Variants in ZNF354A observed in about 807,000 individuals in gnomAD.
The protein encoded by ZNF354A is epididymis luminal protein 104.
In ZNF354A, 25 loss-of-function variants were observed where a neutral mutation model predicts 53.3. That is an observed-to-expected ratio of 0.47 (90% CI 0.34 to 0.66). The LOEUF (loss-of-function observed/expected upper bound fraction) is 0.66. Ranked by LOEUF, ZNF354A falls within the 30% of genes least tolerant of loss-of-function variation. ZNF354A has a pLI of 0.01. For missense variants in ZNF354A, 586 were observed against 716.8 expected (o/e 0.82, Z 2.08); for synonymous variants, 228 against 249.0 (o/e 0.92, Z 0.79).
chr5:178,720,832 C>T (rs11742156), intron 4 of ZNF354A, among the ~76,000 whole-genome samples: 41,659 of 151,008 alleles, frequency 0.28, 5,838 homozygotes, highest in South Asian at 0.4. Flanking sequence ...AAATTAACAC[C>T]ACTGCTTGCA....
rs75617632 is a variant in ZNF354A at position 178,730,549 on chromosome 5, C to T, written c.-52+7G>A. ...TCCTACCGGCTTGGCCTGCCGCCGA[C>T]GCTCACCTCCCTAAGCTCGAGCGTC... On this transcript the variant is annotated splice_region_variant and intron_variant, in intron 1 of 4. Coordinates refer to ENST00000335815, the MANE Select transcript of ZNF354A (RefSeq NM_005649.3). The T allele has an allele frequency of 0.24, 36,677 of 151,758 alleles. 5,120 individuals carry two copies. Among genetic ancestry groups the T allele is most frequent in the South Asian group, 0.34 (1,661 of 4,818 alleles). The allele number at this position is 151,758 out of a possible 1,614,324, so 9.4% of individuals were successfully genotyped here. A position where few individuals can be genotyped will look rare whatever the true frequency, so the allele number is the denominator to read the frequency against.
intron 4 of ZNF354A, among the ~76,000 whole-genome samples, chr5:178,722,194 T>C (rs1023610213): frequency 6.6e-6 from 1 of 152,184 alleles, no homozygotes; most frequent in Non-Finnish European, 1.5e-5. Flanking sequence ...TTACTCTTAC[T>C]GTAATGTGAA....
intron 4 of ZNF354A, among the ~76,000 whole-genome samples, chr5:178,719,455 G>C (rs1317334712): frequency 6.6e-6 from 1 of 152,216 alleles, no homozygotes; most frequent in African/African-American, 2.4e-5. Context: ...GCAGCAGGAC[G>C]CTGCTGGAGT....
chr5:178,729,135 T>C, intron 1 of ZNF354A, 62 bp from the exon 2 acceptor site: 1 of 617,210 alleles, frequency 1.6e-6, no homozygotes, highest in East Asian at 2.9e-5. Flanking sequence ...AATCCGCAGC[T>C]CTAAAACCCC....
rs190278841 is a variant in ZNF354A, at chr5:178,728,832, G to A, written c.33+158C>T. On this transcript the variant is annotated intron_variant, in intron 2 of 4. Transcript: ENST00000335815. ...CACTAGACACGGGTGGGGAGGGTGG[G>A]TGGTCCTCCCTACAGAATCCACCAC... Among the ~76,000 whole-genome samples, 807 of 135,782 alleles carry A rather than the reference G, an allele frequency of 5.9e-3. 7 individuals carry two copies. The highest frequency in any genetic ancestry group is 0.021 in the African/African-American group (783 of 36,590). 89.1% of individuals were successfully genotyped at this position (135,782 alleles called of 152,430 possible). A position where few individuals can be genotyped will look rare whatever the true frequency, so the allele number is the denominator to read the frequency against.
At chr5:178,720,112 G>T (rs1233346608) in intron 4 of ZNF354A, among the ~76,000 whole-genome samples, 4 of 152,192 alleles carry the variant, frequency 2.6e-5, no homozygotes, top group Non-Finnish European at 5.9e-5. Flanking sequence ...AAAGAGAAAA[G>T]CTGTTTTAGA....
intron 4 of ZNF354A, among the ~76,000 whole-genome samples, chr5:178,719,670 G>A (rs993347913): frequency 2.0e-5 from 3 of 152,170 alleles, no homozygotes; most frequent in Non-Finnish European, 2.9e-5. Flanking sequence ...ACTTGCGGCC[G>A]GGCGCGGTGG....
chr5:178,713,474 T>G lies in ZNF354A; in HGVS notation c.404A>C (p.Lys135Thr). Residue 135 changes from lysine (K) to threonine (T), a missense_variant, in exon 5 of 5, where the codon AAG (lysine) becomes ACG (threonine). Lys to Thr is a moderately conservative substitution (Grantham distance 78). Around this residue, in one of 2 missense-constraint regions of ZNF354A, gnomAD observed 573 missense variants for 680.1 expected, o/e 0.84. Coordinates refer to ENST00000335815, the MANE Select transcript of ZNF354A (RefSeq NM_005649.3). ...PYIYEGRLEKKQDKKGSFQIV... is the reference protein window; with the variant it reads ...PYIYEGRLEKTQDKKGSFQIV... ...CTGAAAACTTCCCTTTTTATCCTGC[T>G]TTTTCTCTAATCTGCCTTCATATAT... The G allele has an allele frequency of 6.2e-7, 1 of 1,613,906 alleles. No individual in the cohort carries two copies. Among genetic ancestry groups the G allele is most frequent in the South Asian group, 1.1e-5 (1 of 91,028 alleles).
rs1554093726 is a variant in ZNF354A, at chr5:178,713,557, C to T, written c.321G>A (p.Leu107=). 1 of 1,607,950 alleles carries T rather than the reference C, an allele frequency of 6.2e-7. No homozygotes were observed. The highest frequency in any genetic ancestry group is 8.5e-7 in the Non-Finnish European group (1 of 1,178,948). ...CATTCCTGTTGGATCTTTTCAGTATCAGTCCCTGAAATGAAGAGTCTTGTG... is the reference window on the plus strand; with the variant it reads ...CATTCCTGTTGGATCTTTTCAGTATTAGTCCCTGAAATGAAGAGTCTTGTG... ...TQTQDSSFQG[L]ILKRSNRNVP... The change falls in exon 5 of 5, where the codon CTG becomes CTA. Residue 107 remains leucine, a synonymous_variant. Coordinates refer to ENST00000335815, the MANE Select transcript of ZNF354A (RefSeq NM_005649.3).
chr5:178,714,196 G>C (rs1327361580), intron 4 of ZNF354A, among the ~76,000 whole-genome samples: 2 of 152,120 alleles, frequency 1.3e-5, no homozygotes, highest in South Asian at 2.1e-4. Flanking sequence ...GTAGAGACAG[G>C]GTTTCACCGT....
In ZNF354A at chr5:178,728,872, C is replaced by G; in HGVS notation, c.33+118G>C. The G allele has an allele frequency of 1.3e-5, 17 of 1,341,208 alleles. No individual in the cohort carries two copies. In the South Asian group the frequency reaches 2.0e-4, roughly 16 times the overall value. 83.1% of individuals were successfully genotyped at this position (1,341,208 alleles called of 1,614,324 possible). On this transcript the variant is annotated intron_variant, in intron 2 of 4. Coordinates refer to ENST00000335815, the MANE Select transcript of ZNF354A (RefSeq NM_005649.3). ...GAATCCACCACTCATGAGGGCGGAC[C>G]AGCTCCTCCAAGAGAAAAGGACTTG...
chr5:178,716,587 C>T (rs920647283), intron 4 of ZNF354A, among the ~76,000 whole-genome samples: 5 of 152,018 alleles, frequency 3.3e-5, no homozygotes, highest in South Asian at 2.1e-4. Flanking sequence ...TTGGAGTGTG[C>T]GCATGTGCTG....
rs377403210 is a variant in ZNF354A, at chr5:178,713,350, C to G, written c.528G>C (p.Arg176Ser). 3.1e-5 allele frequency: 50 copies of G among 1,614,064 alleles called. No individual in the cohort carries two copies. The highest frequency in any genetic ancestry group is 4.2e-5 in the Non-Finnish European group (50 of 1,180,018). Residue 176 changes from arginine (R) to serine (S), a missense_variant, in exon 5 of 5, where the codon AGG becomes AGC. By Grantham distance (110) the Arg-to-Ser change is moderately radical. This residue lies in a region of ZNF354A where 573 missense variants were observed against 680.1 expected (regional missense o/e 0.84). Coordinates refer to ENST00000335815, the MANE Select transcript of ZNF354A (RefSeq NM_005649.3). ...QNFSPKSVLI[R>S]QQILPREKTP... ...TTTTTTCTCTGGGAAGTATCTGTTG[C>G]CTAATAAGCACTGACTTTGGGCTGA...
At chr5:178,726,143 A>G (rs1307197709) in intron 3 of ZNF354A, 11 of 455,006 alleles carry the variant, frequency 2.4e-5, no homozygotes, top group Middle Eastern at 3.2e-4. Context: ...CGCCCGGCCT[A>G]TGTGACTCCC....
In ZNF354A at chr5:178,712,560, A is replaced by G; in HGVS notation, c.1318T>C (p.Cys440Arg). The G allele has an allele frequency of 2.5e-6, 4 of 1,614,206 alleles. No homozygotes were observed. Among genetic ancestry groups the G allele is most frequent in the Non-Finnish European group, 3.4e-6 (4 of 1,180,024 alleles). Residue 440 changes from cysteine to arginine, a missense_variant, in exon 5 of 5, where the codon TGT becomes CGT. Physicochemically the swap from Cys to Arg is radical, Grantham distance 180 (BLOSUM62 -3). This residue lies in a region of ZNF354A where 573 missense variants were observed against 680.1 expected (regional missense o/e 0.84). Coordinates refer to ENST00000335815, the MANE Select transcript of ZNF354A (RefSeq NM_005649.3). ...IIHTGEKFYN[C>R]NECGKALSSH... ...CTTAAGGCTTTACCACATTCATTAC[A>G]ATTATAAAACTTCTCTCCAGTATGA...
At chr5:178,717,556 C>A (rs957551788) in intron 4 of ZNF354A, among the ~76,000 whole-genome samples, 1 of 150,888 alleles carries the variant, frequency 6.6e-6, no homozygotes, top group Admixed American at 6.7e-5. Flanking sequence ...GCTGAGGGGG[C>A]ATTCTGTTTC....
Position 178,713,582 on chromosome 5 carries a change from G to C in ZNF354A, c.296C>G (p.Thr99Arg), listed in dbSNP as rs1765663359. 1.9e-6 allele frequency: 3 copies of C among 1,583,268 alleles called. No homozygotes were observed. The highest frequency in any genetic ancestry group is 4.5e-5 in the East Asian group (2 of 44,714). Residue 99 changes from threonine to arginine, a missense_variant, in exon 5 of 5, where the codon ACA (threonine) becomes AGA (arginine). By Grantham distance (71) the Thr-to-Arg change is moderately conservative (BLOSUM62 -1). Transcript: ENST00000335815. ...CAGTCCCTGAAATGAAGAGTCTTGT[G>C]TTTGCGTTGACTTTGTGGTTTTATG... ...SSHKTTKSTQ[T>R]QDSSFQGLIL... is the part of the protein sequence containing the mutation.
rs1765920983 is a variant in ZNF354A, at chr5:178,726,988, A to C, written c.160+11T>G. The C allele has an allele frequency of 6.3e-7, 1 of 1,596,050 alleles. No individual in the cohort carries two copies. Among genetic ancestry groups the C allele is most frequent in the African/African-American group, 1.4e-5 (1 of 74,024 alleles). On this transcript the variant is annotated intron_variant, in intron 3 of 4. Coordinates refer to ENST00000335815, the MANE Select transcript of ZNF354A (RefSeq NM_005649.3). ...TTTTGAATTCTGTTTCTAGAGGGAA[A>C]ATTTCCTTACCCAGTGAGACCAGGT...
chr5:178,730,310 G>C (rs1352639219), intron 1 of ZNF354A, among the ~76,000 whole-genome samples: 1 of 152,076 alleles, frequency 6.6e-6, no homozygotes, highest in African/African-American at 2.4e-5. Flanking sequence ...CCCACATGGA[G>C]TGGGCAGGAC....
Sources: gnomAD v4.1 joint callset for allele counts (sites outside exome capture counted in the v4.1 genomes callset) on GRCh38, gnomAD v4.1.1 for gene constraint, gnomAD v4.1.1 regional missense constraint, MANE v1.5 for transcripts, NCBI Gene and HGNC (gene_info 2026-07-23, HGNC 2026-07-21) for gene names.